Variants in CNTNAP4 observed in about 807,000 individuals in gnomAD.
CNTNAP4 encodes contactin associated protein family member 4, also known as contactin-associated protein-like 4.
CNTNAP4 carries 98 observed loss-of-function variants against 148.4 expected under a neutral mutation model. The observed-to-expected ratio is 0.66, with a 90% CI of 0.56 to 0.78. The LOEUF (loss-of-function observed/expected upper bound fraction) is 0.78. Ranked by LOEUF, CNTNAP4 falls within the 30% of genes least tolerant of loss-of-function variation. CNTNAP4 has a pLI of 0.00. For synonymous variants in CNTNAP4, 730 were observed against 565.1 expected, an observed-to-expected ratio of 1.29 and a Z score of -4.14; for missense variants, 1,935 against 1,565.6, an observed-to-expected ratio of 1.24 and a Z score of -3.98.
At chr16:76,406,218 C>T (rs779472735) in intron 3 of CNTNAP4, among the ~76,000 whole-genome samples, 19 of 152,038 alleles carry the variant, frequency 1.2e-4, no homozygotes, top group African/African-American at 4.1e-4. Flanking sequence ...TTATATGTTA[C>T]GGTGATCTGC....
intron 2 of CNTNAP4, among the ~76,000 whole-genome samples, chr16:76,321,443 G>A (rs1018764178): frequency 1.3e-5 from 2 of 152,116 alleles, no homozygotes; most frequent in Admixed American, 1.3e-4. Flanking sequence ...AAAAAAGTAG[G>A]TGCTTTTTTA....
At chr16:76,519,855 C>G (rs953207004) in intron 15 of CNTNAP4, among the ~76,000 whole-genome samples, 7 of 152,088 alleles carry the variant, frequency 4.6e-5, no homozygotes, top group African/African-American at 1.7e-4. Flanking sequence ...GAATCAGATC[C>G]ACCAGAAAAA....
intron 12 of CNTNAP4, among the ~76,000 whole-genome samples, chr16:76,481,327 A>T (rs1365270675): frequency 6.6e-6 from 1 of 152,256 alleles, no homozygotes; most frequent in Non-Finnish European, 1.5e-5. Flanking sequence ...AATTAATTAC[A>T]AAACAAAATG....
intron 2 of CNTNAP4, among the ~76,000 whole-genome samples, chr16:76,328,182 A>G (rs1963181643): frequency 6.6e-6 from 1 of 152,242 alleles, no homozygotes; most frequent in Admixed American, 6.5e-5. Context: ...CAGTGGAGAA[A>G]TCTGACAAAC....
At chr16:76,358,861 T>C (rs1010227192) in intron 3 of CNTNAP4, among the ~76,000 whole-genome samples, 15 of 151,740 alleles carry the variant, frequency 9.9e-5, no homozygotes, top group African/African-American at 3.4e-4. Context: ...TATATATATA[T>C]GTATGTGTAT....
At chr16:76,523,365 C>G (rs1191412890) in intron 17 of CNTNAP4, among the ~76,000 whole-genome samples, 2 of 151,898 alleles carry the variant, frequency 1.3e-5, no homozygotes, top group Non-Finnish European at 2.9e-5. Context: ...GCTATTTTCC[C>G]TCATTTTGCC....
intron 3 of CNTNAP4, among the ~76,000 whole-genome samples, chr16:76,391,435 C>A (rs1207829939): frequency 6.6e-6 from 1 of 152,128 alleles, no homozygotes; most frequent in Non-Finnish European, 1.5e-5. Flanking sequence ...TGGAATGTTC[C>A]AAAGCATGCT....
chr16:76,286,348 A>C (rs144877924), intron 1 of CNTNAP4, among the ~76,000 whole-genome samples: 2 of 152,116 alleles, frequency 1.3e-5, no homozygotes, highest in Admixed American at 1.3e-4. Flanking sequence ...CATATTTGCT[A>C]TCCATACCAG....
At chr16:76,389,656 T>C (rs1203831975) in intron 3 of CNTNAP4, among the ~76,000 whole-genome samples, 1 of 152,026 alleles carries the variant, frequency 6.6e-6, no homozygotes, top group Non-Finnish European at 1.5e-5. Context: ...GAAACAGGGT[T>C]TCGCCATGTT....
chr16:76,343,853 C>G (rs1964691214), intron 2 of CNTNAP4, among the ~76,000 whole-genome samples: 1 of 152,030 alleles, frequency 6.6e-6, no homozygotes, highest in Non-Finnish European at 1.5e-5. Flanking sequence ...GGTAATGTAT[C>G]ATGATTTTGA....
At chr16:76,373,287 A>ATATGTGAAATATATTCCACATAT (rs2015055324) in intron 3 of CNTNAP4, among the ~76,000 whole-genome samples, 1 of 149,902 alleles carries the variant, frequency 6.7e-6, no homozygotes, top group African/African-American at 2.5e-5. Flanking sequence ...ATTCCACATA[A>ATATGTGAAATATATTCCACATAT]ATATGTGAAA....
intron 1 of CNTNAP4, among the ~76,000 whole-genome samples, chr16:76,283,878 C>T (rs1448117772): frequency 6.6e-6 from 1 of 151,944 alleles, no homozygotes; most frequent in Non-Finnish European, 1.5e-5. Context: ...TTTGTTTTCA[C>T]TGACTGAAAG....
chr16:76,517,878 G>C (rs1182305508), intron 15 of CNTNAP4, among the ~76,000 whole-genome samples: 1 of 151,774 alleles, frequency 6.6e-6, no homozygotes, highest in Non-Finnish European at 1.5e-5. Context: ...GTCTCCATAA[G>C]CCTGTTTTTT....
chr16:76,349,898 A>G (rs1278500299), intron 2 of CNTNAP4, among the ~76,000 whole-genome samples: 2 of 152,058 alleles, frequency 1.3e-5, no homozygotes, highest in Admixed American at 1.3e-4. Context: ...ACCACCAGGA[A>G]TGTCTGTCAT....
intron 1 of CNTNAP4, among the ~76,000 whole-genome samples, chr16:76,299,168 A>G (rs976872012): frequency 1.3e-5 from 2 of 152,218 alleles, no homozygotes; most frequent in Non-Finnish European, 2.9e-5. Context: ...TAAACTAAAG[A>G]GCTTCTGCAC....
intron 3 of CNTNAP4, among the ~76,000 whole-genome samples, chr16:76,418,044 T>C (rs1031474223): frequency 1.3e-5 from 2 of 151,554 alleles, no homozygotes; most frequent in Non-Finnish European, 3.0e-5. Flanking sequence ...TTTTTGTCTT[T>C]GGTTTACTGT....
intron 4 of CNTNAP4, among the ~76,000 whole-genome samples, chr16:76,441,030 A>G (rs2080018007): frequency 6.6e-6 from 1 of 152,110 alleles, no homozygotes; most frequent in Admixed American, 6.6e-5. Flanking sequence ...AAGAAGGTAA[A>G]GCGTTTTTAC....
At chr16:76,311,980 C>T (rs1414995451) in intron 1 of CNTNAP4, among the ~76,000 whole-genome samples, 1 of 152,178 alleles carries the variant, frequency 6.6e-6, no homozygotes, top group Non-Finnish European at 1.5e-5. Context: ...ACTTAAATGC[C>T]TGTATACTCA....
At chr16:76,312,328 T>A (rs1257567861) in intron 1 of CNTNAP4, among the ~76,000 whole-genome samples, 1 of 152,168 alleles carries the variant, frequency 6.6e-6, no homozygotes, top group East Asian at 1.9e-4. Flanking sequence ...TAGGGTGAAA[T>A]TACCTCTGGT....
Sources: gnomAD v4.1 joint callset for allele counts (sites outside exome capture counted in the v4.1 genomes callset) on GRCh38, gnomAD v4.1.1 for gene constraint, MANE v1.5 for transcripts, NCBI Gene and HGNC (gene_info 2026-07-23, HGNC 2026-07-21) for gene names.